Variants in DAB2IP observed in about 807,000 individuals in gnomAD.
The protein encoded by DAB2IP is disabled homolog 2-interacting protein.
Under a neutral mutation model 107.2 loss-of-function variants are expected in DAB2IP, and 28 were observed. The ratio of observed to expected loss-of-function variants is 0.26; its 90% confidence interval spans 0.19 to 0.36. DAB2IP has a LOEUF of 0.36. DAB2IP is among the 10% of genes least tolerant of loss of function. The pLI, the probability that DAB2IP is intolerant of heterozygous loss-of-function variation, is 1.00. For missense variants in DAB2IP, 1,400 were observed against 1,644.7 expected, an observed-to-expected ratio of 0.85 and a Z score of 2.57; for synonymous variants, 755 against 706.4, an observed-to-expected ratio of 1.07 and a Z score of -1.09.
rs1832046952 is a variant in DAB2IP at position 121,635,244 on chromosome 9, C to T, written c.41-43434C>T. On this transcript the variant is annotated intron_variant, in intron 1 of 16. Transcript: ENST00000259371. The surrounding 1 kb of genome is among the most constrained non-coding windows in gnomAD (Gnocchi z 4.3). ...TCATTGGACAGCACTAATTCAATGC[C>T]TAAAAATAACCTCGGACCTGGTAGG... 6.6e-6 allele frequency among the ~76,000 whole-genome samples: 1 copy of T among 152,164 alleles called. No homozygotes were observed.
intron 3 of DAB2IP, chr9:121,737,852 G>A: frequency 3.2e-6 from 3 of 925,240 alleles, no homozygotes; most frequent in Non-Finnish European, 3.9e-6. Context: ...CTCCAATGAG[G>A]CCTGGTCCCA....
chr9:121,636,464 G>T lies in DAB2IP; in HGVS notation c.41-42214G>T, dbSNP rs143691967. 2.6e-3 allele frequency among the ~76,000 whole-genome samples: 392 copies of T among 152,328 alleles called. 1 individual carries two copies. Among genetic ancestry groups the T allele is most frequent in the African/African-American group, 8.8e-3 (366 of 41,578 alleles). On this transcript the variant is annotated intron_variant, in intron 1 of 16. Transcript: ENST00000259371. ...AGGGAGGAGGGAAGCAGACCTGGTG[G>T]CTGGGTGGGAGGAGAGGCGGGAGGC...
chr9:121,643,313 G>A (rs1036167629), intron 1 of DAB2IP, among the ~76,000 whole-genome samples: 10 of 151,924 alleles, frequency 6.6e-5, no homozygotes, highest in African/African-American at 1.9e-4. Context: ...GAGAGGCACC[G>A]TGACTTATTC....
At chr9:121,766,784 G>T in intron 9 of DAB2IP, 54 bp downstream of exon 9, 1 of 1,577,494 alleles carries the variant, frequency 6.3e-7, no homozygotes, top group Non-Finnish European at 8.7e-7. Flanking sequence ...TGTCCACAGG[G>T]CAGGCCCTGG....
intron 3 of DAB2IP, among the ~76,000 whole-genome samples, chr9:121,752,165 C>T (rs528788053): frequency 5.3e-5 from 8 of 152,294 alleles, no homozygotes; most frequent in East Asian, 3.9e-4. Context: ...GGGCATTTCC[C>T]GGAGACTCTG....
intron 1 of DAB2IP, among the ~76,000 whole-genome samples, chr9:121,601,936 T>A (rs964663306): frequency 2.6e-5 from 4 of 152,018 alleles, no homozygotes; most frequent in African/African-American, 9.7e-5. Flanking sequence ...GGGACTGGTG[T>A]GTGCCAGCAA....
exon 10 of DAB2IP, chr9:121,768,456 G>T (rs376629723): frequency 6.2e-7 from 1 of 1,614,218 alleles, no homozygotes. Context: ...AGGAATACAT[G>T]TCCTTCATGA....
intron 13 of DAB2IP, among the ~76,000 whole-genome samples, chr9:121,775,353 G>A (rs1314610121): frequency 4.6e-5 from 7 of 152,166 alleles, no homozygotes; most frequent in African/African-American, 1.4e-4. Flanking sequence ...CACCATCCCC[G>A]GTCCGCTACA....
rs1395231692 is a variant in DAB2IP, at chr9:121,766,739, C to T, written c.1697+9C>T. The T allele has an allele frequency of 1.9e-6, 3 of 1,613,558 alleles. No homozygotes were observed. The highest frequency in any genetic ancestry group is 2.5e-6 in the Non-Finnish European group (3 of 1,179,796). ...CTGGCCAACTTTGCCAAGTGAGTGC[C>T]TCCTCCCTCACCAGGCAGAGTTGGG... On this transcript the variant is annotated intron_variant, in intron 9 of 15. Transcript: ENST00000408936.
upstream of DAB2IP, among the ~76,000 whole-genome samples, chr9:121,647,126 A>C (rs553009788): frequency 6.6e-6 from 1 of 152,068 alleles, no homozygotes; most frequent in Non-Finnish European, 1.5e-5. Flanking sequence ...TCCTCTGTTA[A>C]GAAGCCTTGG....
Position 121,782,556 on chromosome 9 carries a change from A to AGG in DAB2IP, c.*60_*61dup, listed in dbSNP as rs1354659290. 29 of 1,588,920 alleles carry AGG rather than the reference A, an allele frequency of 1.8e-5. No individual in the cohort carries two copies. Among genetic ancestry groups the AGG allele is most frequent in the Non-Finnish European group, 2.5e-5 (29 of 1,163,824 alleles). ...GAGGGGGACTATGGTGGCCAAGGGC[A>AGG]GGGTCTCGGCCTGGGGAGGCACCCA... is the stretch of plus-strand genomic sequence containing the variant. On this transcript the variant is annotated 3_prime_UTR_variant, in exon 16 of 16. Coordinates refer to ENST00000408936, the Ensembl canonical transcript of DAB2IP. This position sits in a 1 kb window ranked among gnomAD's most constrained non-coding sequence, Gnocchi z 6.1.
chr9:121,773,837 T>C (rs1242568373), intron 12 of DAB2IP, among the ~76,000 whole-genome samples: 4 of 152,052 alleles, frequency 2.6e-5, no homozygotes, highest in African/African-American at 9.7e-5. Context: ...CCTCCCAAAA[T>C]GTTTTCACAG....
chr9:121,700,567 G>A (rs1207918122), intron 3 of DAB2IP, among the ~76,000 whole-genome samples: 3 of 152,140 alleles, frequency 2.0e-5, no homozygotes, highest in African/African-American at 4.8e-5. Context: ...CTCCCTGTAG[G>A]GGAGGCGTAG....
At chr9:121,574,186 A>C (rs1830008045) in intron 1 of DAB2IP, among the ~76,000 whole-genome samples, 1 of 152,130 alleles carries the variant, frequency 6.6e-6, no homozygotes, top group African/African-American at 2.4e-5. Context: ...GTGTCCAGCC[A>C]CTGGCCTCCC....
intron 1 of DAB2IP, among the ~76,000 whole-genome samples, chr9:121,583,578 G>A (rs1830250424): frequency 1.3e-5 from 2 of 151,378 alleles, no homozygotes; most frequent in Admixed American, 6.6e-5. Flanking sequence ...CAGAGGCAGG[G>A]TCCTGGGCAC....
chr9:121,581,954 C>T (rs935776227), intron 1 of DAB2IP, among the ~76,000 whole-genome samples: 31 of 152,186 alleles, frequency 2.0e-4, no homozygotes, highest in Admixed American at 4.6e-4. Context: ...CCACCAGCAG[C>T]GGGTGCAGGG....
chr9:121,783,521 T>A (rs773223633), exon 16 of DAB2IP: 1 of 1,614,164 alleles, frequency 6.2e-7, no homozygotes, highest in Non-Finnish European at 8.5e-7. Flanking sequence ...ACTGTGATTT[T>A]TTTTCCTTTC....
In DAB2IP at chr9:121,752,323, C is replaced by T. The variant is rs1233060190; in HGVS notation, c.363-4690C>T. 4.7e-5 allele frequency among the ~76,000 whole-genome samples: 7 copies of T among 149,068 alleles called. 1 individual carries two copies. Among genetic ancestry groups the T allele is most frequent in the African/African-American group, 1.8e-4 (7 of 38,518 alleles). On this transcript the variant is annotated intron_variant, in intron 3 of 15. Transcript: ENST00000408936. ...GCTGAGGGAGGGCTATCCCTATCCC[C>T]ACTGACCTCCCGTTCCCTCTGAGCT... is the stretch of plus-strand genomic sequence containing the variant.
At position 121,782,007 on chromosome 9, in the gene DAB2IP, C is replaced by G. The variant is rs983740985; in HGVS notation, c.3403-324C>G. Among the ~76,000 whole-genome samples, 11 of 152,210 alleles carry G rather than the reference C, an allele frequency of 7.2e-5. No homozygotes were observed. The highest frequency in any genetic ancestry group is 2.4e-4 in the African/African-American group (10 of 41,452). On this transcript the variant is annotated intron_variant, in intron 15 of 15. Coordinates refer to ENST00000408936, the Ensembl canonical transcript of DAB2IP. The surrounding 1 kb of genome is among the most constrained non-coding windows in gnomAD (Gnocchi z 6.1). ...ACCCAGGAGTAGGCTGGGCCTTGCT[C>G]AGGCTGTAAACTGCACAGACCAGGA...
Sources: gnomAD v4.1 joint callset for allele counts (sites outside exome capture counted in the v4.1 genomes callset) on GRCh38, gnomAD v4.1.1 for gene constraint, Gnocchi (gnomAD v3.1) non-coding constraint, MANE v1.5 for transcripts, NCBI Gene and HGNC (gene_info 2026-07-23, HGNC 2026-07-21) for gene names.